Variants in FGF14 observed in about 807,000 individuals in gnomAD.
The protein encoded by FGF14 is fibroblast growth factor homologous factor 4.
FGF14 carries 5 observed loss-of-function variants against 25.5 expected under a neutral mutation model. The observed-to-expected ratio is 0.20, with a 90% CI of 0.10 to 0.41. The LOEUF (loss-of-function observed/expected upper bound fraction) is 0.41. Ranked by LOEUF, FGF14 falls within the 10% of genes least tolerant of loss-of-function variation. The probability of loss-of-function intolerance (pLI) is 1.00; values close to 1 mark genes in which losing one functional copy is unlikely to be tolerated. For synonymous variants in FGF14, 138 were observed against 118.3 expected, an observed-to-expected ratio of 1.17 and a Z score of -1.08; for missense variants, 222 against 320.1, an observed-to-expected ratio of 0.69 and a Z score of 2.34.
Position 101,733,572 on chromosome 13 carries a change from C to T in FGF14, c.409-6762G>A, listed in dbSNP as rs574044687. On this transcript the variant is annotated intron_variant, in intron 3 of 4. Transcript: ENST00000376143. ...ATTGTGCCACTGCACTCCAGCCTGG[C>T]GACAGAACAAGACTCCATCAAAAAA... Among the ~76,000 whole-genome samples, 548 of 128,224 alleles carry T rather than the reference C, an allele frequency of 4.3e-3. 2 individuals are homozygous for T. The highest frequency in any genetic ancestry group is 5.6e-3 in the Non-Finnish European group (358 of 64,372). The allele number at this position is 128,224 out of a possible 152,430, so 84.1% of individuals were successfully genotyped here.
chr13:102,112,447 C>A (rs985448325), intron 1 of FGF14, among the ~76,000 whole-genome samples: 4 of 152,160 alleles, frequency 2.6e-5, no homozygotes, highest in Admixed American at 2.6e-4. Context: ...CACACACCAC[C>A]CGCAAGTTTT....
chr13:101,811,595 C>CACAT (rs1362120864), intron 3 of FGF14, among the ~76,000 whole-genome samples: 1 of 152,106 alleles, frequency 6.6e-6, no homozygotes, highest in African/African-American at 2.4e-5. Context: ...TTTATGTGTA[C>CACAT]ACATATGTTT....
At chr13:102,019,441 C>T (rs1011254045) in intron 1 of FGF14, among the ~76,000 whole-genome samples, 8 of 152,116 alleles carry the variant, frequency 5.3e-5, no homozygotes, top group African/African-American at 1.9e-4. Flanking sequence ...CCAGTGCTAG[C>T]CTTGTGCCTG....
intron 3 of FGF14, among the ~76,000 whole-genome samples, chr13:101,828,122 A>G (rs1413616949): frequency 6.6e-6 from 1 of 152,040 alleles, no homozygotes; most frequent in African/African-American, 2.4e-5. Flanking sequence ...ACACACACAT[A>G]TATCACATAC....
At chr13:102,311,485 C>T (rs534410360) in intron 1 of FGF14, among the ~76,000 whole-genome samples, 3 of 152,224 alleles carry the variant, frequency 2.0e-5, no homozygotes, top group South Asian at 4.1e-4. Context: ...ACAGCTGAAT[C>T]GGGCCGATTT....
chr13:102,398,229 G>T (rs2058626456), intron 1 of FGF14, among the ~76,000 whole-genome samples: 1 of 152,030 alleles, frequency 6.6e-6, no homozygotes, highest in African/African-American at 2.4e-5. Context: ...ATTTAATGAA[G>T]ACCTCTTATA....
chr13:102,117,059 C>T (rs2140345617), intron 1 of FGF14, among the ~76,000 whole-genome samples: 1 of 152,302 alleles, frequency 6.6e-6, no homozygotes, highest in African/African-American at 2.4e-5. Context: ...ACTTTCTGAG[C>T]ACCTGAGCCT....
intron 1 of FGF14, among the ~76,000 whole-genome samples, chr13:101,960,277 G>T (rs1196963665): frequency 1.3e-5 from 2 of 152,132 alleles, no homozygotes; most frequent in African/African-American, 4.8e-5. Flanking sequence ...TCCTATGGTG[G>T]TTTGCTGCAC....
chr13:102,308,215 C>T (rs2055509459), intron 1 of FGF14, among the ~76,000 whole-genome samples: 1 of 152,150 alleles, frequency 6.6e-6, no homozygotes, highest in Non-Finnish European at 1.5e-5. Flanking sequence ...TCTCCATTGG[C>T]AGAGGGTGGG....
chr13:101,722,628 C>A lies in FGF14; in HGVS notation c.*203G>T, dbSNP rs1185283580. On this transcript the variant is annotated 3_prime_UTR_variant, in exon 5 of 5. Transcript: ENST00000376143. ...AGGGCATTCCATGGTCTGAGTTTAG[C>A]TGGTTATCCAGGTGTCTTCTTGTTG... 16 of 641,846 alleles carry A rather than the reference C, an allele frequency of 2.5e-5. No individual in the cohort carries two copies. The highest frequency in any genetic ancestry group is 4.3e-5 in the Non-Finnish European group (16 of 367,828). 39.8% of individuals were successfully genotyped at this position (641,846 alleles called of 1,614,324 possible). A position where few individuals can be genotyped will look rare whatever the true frequency, so the allele number is the denominator to read the frequency against.
chr13:102,317,135 A>G (rs2138727457), intron 1 of FGF14, among the ~76,000 whole-genome samples: 1 of 152,254 alleles, frequency 6.6e-6, no homozygotes, highest in South Asian at 2.1e-4. Context: ...CTCCTACACT[A>G]ACTACTTGCT....
At chr13:101,927,379 T>C (rs1388150114) in intron 1 of FGF14, among the ~76,000 whole-genome samples, 1 of 152,202 alleles carries the variant, frequency 6.6e-6, no homozygotes, top group Non-Finnish European at 1.5e-5. Flanking sequence ...CAGTCAGCTG[T>C]GCTCAGGAGA....
intron 1 of FGF14, among the ~76,000 whole-genome samples, chr13:101,946,041 A>T (rs996511252): frequency 6.6e-6 from 1 of 152,170 alleles, no homozygotes. Flanking sequence ...AGTCTCTAAG[A>T]AAGAATTCTC....
intron 1 of FGF14, among the ~76,000 whole-genome samples, chr13:101,954,265 T>C (rs1002442954): frequency 7.3e-5 from 11 of 151,162 alleles, no homozygotes; most frequent in African/African-American, 2.7e-4. Flanking sequence ...TTCAGTAAAA[T>C]TAGTCCCTGA....
rs553918216 is a variant in FGF14 at position 102,124,856 on chromosome 13, G to A, written c.209-249560C>T. Among the ~76,000 whole-genome samples, 5 of 152,096 alleles carry A rather than the reference G, an allele frequency of 3.3e-5. No homozygotes were observed. In the South Asian group the frequency reaches 1.0e-3, roughly 32 times the overall value. ...ATTTTAGGAACAAAAGCTTATGATG[G>A]TATATAAAATTCTTATCTTTACCTT... On this transcript the variant is annotated intron_variant, in intron 1 of 4. Coordinates refer to the FGF14 transcript ENST00000376131.
intron 1 of FGF14, among the ~76,000 whole-genome samples, chr13:102,013,713 T>G (rs1159511958): frequency 1.3e-5 from 2 of 152,192 alleles, no homozygotes; most frequent in African/African-American, 2.4e-5. Flanking sequence ...AAGTGTTTAT[T>G]TTTCATGTTT....
chr13:102,229,725 G>T (rs993167229), intron 1 of FGF14, among the ~76,000 whole-genome samples: 2 of 152,124 alleles, frequency 1.3e-5, no homozygotes, highest in African/African-American at 2.4e-5. Context: ...AATAAGTGTT[G>T]CATTTCCAAC....
chr13:101,789,293 T>A (rs1463511621), intron 3 of FGF14, among the ~76,000 whole-genome samples: 1 of 152,100 alleles, frequency 6.6e-6, no homozygotes, highest in Non-Finnish European at 1.5e-5. Flanking sequence ...GGCTTGTGAT[T>A]CTGGAACCAT....
chr13:102,078,355 T>C (rs1454544629), intron 1 of FGF14, among the ~76,000 whole-genome samples: 1 of 152,166 alleles, frequency 6.6e-6, no homozygotes, highest in Non-Finnish European at 1.5e-5. Flanking sequence ...CCACAATGTA[T>C]ACATATTTCA....
Sources: allele counts gnomAD v4.1 joint callset (sites outside exome capture counted in the v4.1 genomes callset), GRCh38; gene constraint gnomAD v4.1.1; transcripts MANE v1.5; gene names NCBI Gene and HGNC (gene_info 2026-07-23, HGNC 2026-07-21).